The following GTF2E2 variants were observed in gnomAD, a reference collection of about 807,000 sequenced individuals.
GTF2E2 encodes the protein general transcription factor IIE subunit 2, also known as transcription initiation factor IIE subunit beta.
A neutral mutation model predicts 40.5 loss-of-function variants in GTF2E2; 21 were observed. The observed-to-expected ratio is 0.52, with a 90% confidence interval of 0.37 to 0.75. The LOEUF is 0.75. GTF2E2 is among the 30% of genes least tolerant of loss of function. The pLI is 0.00. For synonymous variants in GTF2E2, 117 were observed against 121.6 expected (o/e 0.96, Z 0.25); for missense variants, 298 against 338.4 (o/e 0.88, Z 0.94).
At chr8:30,606,131 T>C (rs1829310588) in intron 6 of GTF2E2, among the ~76,000 whole-genome samples, 1 of 152,240 alleles carries the variant, frequency 6.6e-6, no homozygotes, top group Non-Finnish European at 1.5e-5. Context: ...CTTTGTTATA[T>C]AAAAGCTTAT....
chr8:30,644,261 A>T (rs1395636830), intron 2 of GTF2E2, among the ~76,000 whole-genome samples: 1 of 152,198 alleles, frequency 6.6e-6, no homozygotes, highest in Non-Finnish European at 1.5e-5. Context: ...TGAACTCACC[A>T]GCTTCTTTTG....
At chr8:30,604,887 A>G (rs1353539217) in intron 6 of GTF2E2, among the ~76,000 whole-genome samples, 1 of 152,240 alleles carries the variant, frequency 6.6e-6, no homozygotes, top group Non-Finnish European at 1.5e-5. Flanking sequence ...GGGTAATATT[A>G]AGGAAGTATA....
chr8:30,642,201 A>G (rs1801861707), intron 2 of GTF2E2, among the ~76,000 whole-genome samples: 1 of 152,072 alleles, frequency 6.6e-6, no homozygotes, highest in Non-Finnish European at 1.5e-5. Flanking sequence ...ATTACAGTGC[A>G]TTAAATAAGT....
At chr8:30,624,246 C>G (rs2151138474) in intron 3 of GTF2E2, among the ~76,000 whole-genome samples, 1 of 152,232 alleles carries the variant, frequency 6.6e-6, no homozygotes, top group East Asian at 1.9e-4. Flanking sequence ...CCAGTATTCC[C>G]AGCACCATTT....
Position 30,607,077 on chromosome 8 carries a change from C to A in GTF2E2, c.623G>T (p.Cys208Phe). Residue 208 changes from cysteine (C) to phenylalanine (F), a missense_variant, in exon 6 of 8, where the codon TGT (cysteine) becomes TTT (phenylalanine). Cys to Phe is a radical substitution (Grantham distance 205). Coordinates refer to ENST00000355904, the MANE Select transcript of GTF2E2 (RefSeq NM_002095.6). ...CTCACCTTCATCCACAGAAAACTGA[C>A]AGCTCTTATCATTGAAGAAAAGTAT... ...KKILFFNDKS[C>F]QFSVDEEFQK... 7.0e-7 allele frequency: 1 copy of A among 1,424,646 alleles called. No homozygotes were observed. The highest frequency in any genetic ancestry group is 1.9e-5 in the Admixed American group (1 of 54,030). 88.3% of individuals were successfully genotyped at this position (1,424,646 alleles called of 1,614,324 possible). A position where few individuals can be genotyped will look rare whatever the true frequency, so the allele number is the denominator to read the frequency against.
intron 6 of GTF2E2, among the ~76,000 whole-genome samples, chr8:30,590,086 C>A (rs1363051983): frequency 6.6e-6 from 1 of 152,196 alleles, no homozygotes; most frequent in Non-Finnish European, 1.5e-5. Context: ...CCGCAAATCA[C>A]CCTATGCTCC....
At chr8:30,645,610 G>A in intron 2 of GTF2E2, 17 of 1,518,104 alleles carry the variant, frequency 1.1e-5, no homozygotes, top group Non-Finnish European at 1.5e-5. Flanking sequence ...CTCTATAGAA[G>A]ATGAACAAAA....
At chr8:30,654,257 T>G (rs958641392) in intron 1 of GTF2E2, among the ~76,000 whole-genome samples, 1 of 152,076 alleles carries the variant, frequency 6.6e-6, no homozygotes, top group African/African-American at 2.4e-5. Flanking sequence ...CCACAAGATT[T>G]CAAAGATTTA....
At chr8:30,583,832 G>A (rs1358087962) in intron 6 of GTF2E2, among the ~76,000 whole-genome samples, 1 of 151,522 alleles carries the variant, frequency 6.6e-6, no homozygotes, top group African/African-American at 2.4e-5. Context: ...TTGAGATGGA[G>A]TCTCGCACTG....
rs747764482 is a variant in GTF2E2 at position 30,580,396 on chromosome 8, T to C, written c.644A>G (p.Glu215Gly). ...GACACTCCTCCACAGTTTCTGAAAT[T>C]CTGTATCAAACAGACACTAGTTATT... ...DKSCQFSVDE[E>G]FQKLWRSVTV... The change falls in exon 7 of 8, where the codon GAA becomes GGA. Residue 215 changes from glutamate to glycine, a missense_variant and splice_region_variant. Glu to Gly is a moderately conservative substitution (Grantham distance 98). Coordinates refer to ENST00000355904, the MANE Select transcript of GTF2E2 (RefSeq NM_002095.6). The C allele has an allele frequency of 1.3e-6, 2 of 1,486,334 alleles. No homozygotes were observed. Among genetic ancestry groups the C allele is most frequent in the South Asian group, 1.1e-5 (1 of 88,438 alleles). The allele number at this position is 1,486,334 out of a possible 1,614,324, so 92.1% of individuals were successfully genotyped here. A position where few individuals can be genotyped will look rare whatever the true frequency, so the allele number is the denominator to read the frequency against.
At chr8:30,621,522 T>C (rs1361865400) in intron 3 of GTF2E2, among the ~76,000 whole-genome samples, 1 of 152,126 alleles carries the variant, frequency 6.6e-6, no homozygotes, top group African/African-American at 2.4e-5. Context: ...AGTACATACA[T>C]AATGCCCTAC....
intron 2 of GTF2E2, chr8:30,645,159 T>C (rs1802020443): frequency 1.2e-6 from 1 of 851,318 alleles, no homozygotes. Context: ...AACTACCATT[T>C]AGGCATTAAT....
rs1802357022 is a variant in GTF2E2, at chr8:30,653,544, T to C, written c.55A>G (p.Thr19Ala). The C allele has an allele frequency of 6.2e-7, 1 of 1,613,102 alleles. No individual in the cohort carries two copies. The highest frequency in any genetic ancestry group is 8.5e-7 in the Non-Finnish European group (1 of 1,179,200). ...RELFKKRALSTPVVEKRSASS... is the reference protein window; with the variant it reads ...RELFKKRALSAPVVEKRSASS... Reference sequence around the variant, plus strand: ...GCTGAACGTTTTTCTACTACAGGAGTAGAAAGAGCTCGTTTTTTGAACAGC... The same window carrying C: ...GCTGAACGTTTTTCTACTACAGGAGCAGAAAGAGCTCGTTTTTTGAACAGC... The change falls in exon 2 of 8, where the codon ACT (threonine) becomes GCT (alanine). Residue 19 changes from threonine (T) to alanine (A), a missense_variant. Coordinates refer to ENST00000355904, the MANE Select transcript of GTF2E2 (RefSeq NM_002095.6).
chr8:30,645,729 G>GAA, intron 2 of GTF2E2: 1 of 911,884 alleles, frequency 1.1e-6, no homozygotes, highest in Non-Finnish European at 1.6e-6. Flanking sequence ...AGTAGAAGGG[G>GAA]AAAAAAAAGT....
At chr8:30,591,714 G>GA (rs1287176432) in intron 6 of GTF2E2, among the ~76,000 whole-genome samples, 2 of 152,208 alleles carry the variant, frequency 1.3e-5, no homozygotes, top group South Asian at 4.1e-4. Context: ...AAAATAGTAT[G>GA]ACAATTCCTC....
chr8:30,623,315 G>A (rs962315570), intron 3 of GTF2E2, among the ~76,000 whole-genome samples: 12 of 151,978 alleles, frequency 7.9e-5, no homozygotes, highest in South Asian at 2.1e-4. Flanking sequence ...TCGTCCTTGC[G>A]ATAGTTTGCT....
At chr8:30,657,244 T>C (rs1018436682) in intron 1 of GTF2E2, among the ~76,000 whole-genome samples, 1 of 152,218 alleles carries the variant, frequency 6.6e-6, no homozygotes, top group Non-Finnish European at 1.5e-5. Context: ...TACATCACCA[T>C]GTCCATTTTA....
chr8:30,653,683 T>G, intron 1 of GTF2E2, 81 bp from the exon 2 acceptor site: 1 of 949,194 alleles, frequency 1.1e-6, no homozygotes, highest in Non-Finnish European at 1.6e-6. Flanking sequence ...CTCAACAAGT[T>G]ACTTCCCAAA....
chr8:30,628,211 A>T (rs1449523333), intron 3 of GTF2E2, among the ~76,000 whole-genome samples: 1 of 152,226 alleles, frequency 6.6e-6, no homozygotes, highest in African/African-American at 2.4e-5. Flanking sequence ...GAGAACAAGT[A>T]AGTTGCCTAC....
Sources: allele counts gnomAD v4.1 joint callset (sites outside exome capture counted in the v4.1 genomes callset), GRCh38; gene constraint gnomAD v4.1.1; transcripts MANE v1.5; gene names NCBI Gene and HGNC (gene_info 2026-07-23, HGNC 2026-07-21).